The following FILIP1L variants were observed in gnomAD, a reference collection of about 807,000 sequenced individuals.
FILIP1L encodes the protein filamin A interacting protein 1 like, also known as filamin A-interacting protein 1-like.
In FILIP1L, 55 loss-of-function variants were observed where a neutral mutation model predicts 96.6. The observed-to-expected ratio is 0.57, with a 90% CI of 0.46 to 0.71. The LOEUF (loss-of-function observed/expected upper bound fraction) is 0.71. Ranked by LOEUF, FILIP1L falls within the 30% of genes least tolerant of loss-of-function variation. The pLI, the probability that FILIP1L is intolerant of heterozygous loss-of-function variation, is 0.00. For missense variants in FILIP1L, 1,304 were observed against 1,321.2 expected (o/e 0.99, Z 0.20); for synonymous variants, 467 against 473.9 (o/e 0.99, Z 0.19).
intron 1 of FILIP1L, among the ~76,000 whole-genome samples, chr3:99,972,678 C>T (rs68092024): frequency 0.68 from 103,600 of 152,040 alleles, 36,498 homozygotes; most frequent in African/African-American, 0.87. Context: ...AGATTGAAGG[C>T]ATGGGCAAAG....
chr3:100,008,435 G>T (rs1710050530), intron 1 of FILIP1L, among the ~76,000 whole-genome samples: 1 of 152,154 alleles, frequency 6.6e-6, no homozygotes, highest in African/African-American at 2.4e-5. Context: ...TCATATAAGT[G>T]TTACCATGTG....
At chr3:99,889,545 T>C (rs1706018576) in intron 4 of FILIP1L, among the ~76,000 whole-genome samples, 1 of 152,108 alleles carries the variant, frequency 6.6e-6, no homozygotes, top group Admixed American at 6.5e-5. Context: ...ACAATTTTTA[T>C]CTTTTAGCAG....
chr3:99,845,278 A>G (rs1371832528), intron 5 of FILIP1L, among the ~76,000 whole-genome samples: 1 of 152,216 alleles, frequency 6.6e-6, no homozygotes, highest in Admixed American at 6.5e-5. Context: ...TTGCTTTTAA[A>G]TAGAAAAAAC....
At chr3:100,099,224 A>G (rs1402298488) in intron 1 of FILIP1L, among the ~76,000 whole-genome samples, 1 of 152,186 alleles carries the variant, frequency 6.6e-6, no homozygotes, top group Non-Finnish European at 1.5e-5. Context: ...TAGACTGAAT[A>G]TTTATCATCT....
At chr3:100,040,352 A>C (rs1233306510) in intron 1 of FILIP1L, 1 of 152,234 alleles carries the variant, frequency 6.6e-6, no homozygotes, top group African/African-American at 2.4e-5. Flanking sequence ...GGCCATAAAC[A>C]GTATATTAAA....
At chr3:100,080,567 A>G (rs981269105) in intron 1 of FILIP1L, among the ~76,000 whole-genome samples, 1 of 152,186 alleles carries the variant, frequency 6.6e-6, no homozygotes, top group Admixed American at 6.5e-5. Context: ...AATCCAGCTT[A>G]GATTTTCTCC....
At chr3:99,911,860 G>C (rs947792299) in intron 4 of FILIP1L, among the ~76,000 whole-genome samples, 11 of 151,878 alleles carry the variant, frequency 7.2e-5, no homozygotes, top group Non-Finnish European at 1.6e-4. Flanking sequence ...CAAGCATAGT[G>C]TTAAGTTAAA....
chr3:99,950,672 G>A (rs1708149560), intron 1 of FILIP1L, among the ~76,000 whole-genome samples: 2 of 152,318 alleles, frequency 1.3e-5, no homozygotes, highest in East Asian at 1.9e-4. Context: ...CAGACAGAAA[G>A]AGGAATGGAG....
At chr3:99,923,012 G>C (rs927521362) in intron 4 of FILIP1L, among the ~76,000 whole-genome samples, 3 of 151,754 alleles carry the variant, frequency 2.0e-5, no homozygotes, top group African/African-American at 7.3e-5. Flanking sequence ...GGTGCTATTT[G>C]ACTGTTCACT....
intron 3 of FILIP1L, among the ~76,000 whole-genome samples, chr3:99,928,624 A>G (rs923527696): frequency 2.6e-5 from 4 of 152,198 alleles, no homozygotes; most frequent in Non-Finnish European, 4.4e-5. Context: ...CGATTTCAAC[A>G]TAAGTTTGGA....
chr3:99,931,169 A>G, intron 1 of FILIP1L, 139 bp from the exon 2 acceptor site: 1 of 676,890 alleles, frequency 1.5e-6, no homozygotes, highest in East Asian at 2.7e-5. Flanking sequence ...TCTACAGCAG[A>G]GAAGGATATT....
intron 1 of FILIP1L, among the ~76,000 whole-genome samples, chr3:100,103,923 G>A (rs2066351482): frequency 6.6e-6 from 1 of 152,136 alleles, no homozygotes; most frequent in African/African-American, 2.4e-5. Context: ...TCATGAGCAC[G>A]GGTCTGCCAA....
chr3:99,982,029 A>G (rs778900839), intron 1 of FILIP1L, among the ~76,000 whole-genome samples: 35 of 151,906 alleles, frequency 2.3e-4, no homozygotes, highest in Non-Finnish European at 3.7e-4. Context: ...TGATAAACAT[A>G]ATATGCTCTT....
chr3:100,070,735 A>G (rs1233391413), intron 1 of FILIP1L, among the ~76,000 whole-genome samples: 2 of 152,122 alleles, frequency 1.3e-5, no homozygotes, highest in South Asian at 2.1e-4. Context: ...GGGTTCAAGC[A>G]GTTCTCCTGC....
chr3:100,070,821 G>A (rs572602574), intron 1 of FILIP1L, among the ~76,000 whole-genome samples: 14 of 152,216 alleles, frequency 9.2e-5, no homozygotes, highest in African/African-American at 2.4e-4. Context: ...AGTAGAGACC[G>A]GGTCTCACCA....
chr3:99,936,177 A>G (rs964896759), intron 1 of FILIP1L, among the ~76,000 whole-genome samples: 2 of 152,066 alleles, frequency 1.3e-5, no homozygotes, highest in African/African-American at 2.4e-5. Flanking sequence ...CAAAAAAGAA[A>G]TCATTTTTGG....
chr3:99,849,753 G>A lies in FILIP1L; in HGVS notation c.1923C>T (p.Asp641=). Residue 641 remains aspartate (D), a synonymous_variant, in exon 5 of 6, where the codon GAC becomes GAT. Transcript: ENST00000477258. ...EVERLKLKLK[D]MKAIEDDLMK... The stretch of plus-strand genomic sequence containing the variant: ...TGAGGTCATCCTCAATGGCTTTCAT[G>A]TCCTTTAGCTTCAGTTTCAGTCTTT... 1 of 1,613,694 alleles carries A rather than the reference G, an allele frequency of 6.2e-7. No individual in the cohort carries two copies. Among genetic ancestry groups the A allele is most frequent in the East Asian group, 2.2e-5 (1 of 44,854 alleles).
intron 5 of FILIP1L, among the ~76,000 whole-genome samples, chr3:99,834,978 G>A (rs1576495282): frequency 6.6e-6 from 1 of 152,266 alleles, no homozygotes; most frequent in East Asian, 1.9e-4. Flanking sequence ...AAAGTTTCGG[G>A]TGTTAGGTGT....
intron 4 of FILIP1L, among the ~76,000 whole-genome samples, chr3:99,908,040 A>G (rs1045018179): frequency 7.2e-5 from 11 of 152,242 alleles, no homozygotes; most frequent in Non-Finnish European, 1.3e-4. Flanking sequence ...TGGTCATGCA[A>G]TGAGCATGGC....
Sources: gnomAD v4.1 joint callset for allele counts (sites outside exome capture counted in the v4.1 genomes callset) on GRCh38, gnomAD v4.1.1 for gene constraint, MANE v1.5 for transcripts, NCBI Gene and HGNC (gene_info 2026-07-23, HGNC 2026-07-21) for gene names.